TYRP1: variants seen among roughly 807,000 people sequenced by gnomAD.
TYRP1 encodes the protein 5,6-dihydroxyindole-2-carboxylic acid oxidase.
Under a neutral mutation model 42.8 loss-of-function variants are expected in TYRP1, and 49 were observed. The ratio of observed to expected loss-of-function variants is 1.14; its 90% confidence interval spans 0.91 to 1.45. TYRP1 has a LOEUF of 1.45. Ranked by LOEUF, TYRP1 falls within the 40% of genes most tolerant of loss-of-function variation. The pLI is 0.00. For synonymous variants in TYRP1, 279 were observed against 235.4 expected, an observed-to-expected ratio of 1.19 and a Z score of -1.69; for missense variants, 848 against 662.0, an observed-to-expected ratio of 1.28 and a Z score of -3.08.
chr9:12,694,557 T>A (rs894475547), intron 2 of TYRP1, 176 bp downstream of exon 2: 22 of 783,900 alleles, frequency 2.8e-5, no homozygotes, highest in Non-Finnish European at 4.4e-5. Context: ...ATGTAAAGGG[T>A]TGGAGTTGAA....
intron 5 of TYRP1, 135 bp from the exon 6 acceptor site, chr9:12,704,391 A>T: frequency 1.2e-6 from 1 of 801,520 alleles, no homozygotes; most frequent in Non-Finnish European, 2.1e-6. Flanking sequence ...ACAGAGAAGC[A>T]GTGCTGTTAT....
At chr9:12,708,338 A>G (rs1818295240) in intron 7 of TYRP1, among the ~76,000 whole-genome samples, 195 bp downstream of exon 7, 1 of 151,960 alleles carries the variant, frequency 6.6e-6, no homozygotes, top group South Asian at 2.1e-4. Context: ...TATTGATCTT[A>G]TTGTACAGCA....
intron 6 of TYRP1, among the ~76,000 whole-genome samples, chr9:12,705,856 A>T (rs1055778757): frequency 6.6e-6 from 1 of 152,036 alleles, no homozygotes; most frequent in African/African-American, 2.4e-5. Flanking sequence ...TCAATCAGTT[A>T]TGAATTCAGT....
intron 7 of TYRP1, among the ~76,000 whole-genome samples, chr9:12,708,388 A>G (rs924177279): frequency 6.6e-6 from 1 of 151,972 alleles, no homozygotes; most frequent in Admixed American, 6.6e-5. Context: ...TGGGGTGAGT[A>G]TGAAAATCTT....
intron 3 of TYRP1, among the ~76,000 whole-genome samples, chr9:12,697,427 A>G (rs1818095181): frequency 6.6e-6 from 1 of 152,158 alleles, no homozygotes; most frequent in South Asian, 2.1e-4. Context: ...GTGAACCACA[A>G]TGATGGCTTC....
chr9:12,703,047 T>C (rs1282619471), intron 5 of TYRP1, among the ~76,000 whole-genome samples: 1 of 152,008 alleles, frequency 6.6e-6, no homozygotes, highest in Non-Finnish European at 1.5e-5. Flanking sequence ...TTCAGCTAGT[T>C]ACTAACAGAG....
At chr9:12,696,874 A>T (rs1387929348) in intron 3 of TYRP1, among the ~76,000 whole-genome samples, 1 of 152,202 alleles carries the variant, frequency 6.6e-6, no homozygotes, top group Non-Finnish European at 1.5e-5. Context: ...TAAGCTAAAA[A>T]TATCTGAAGA....
chr9:12,696,414 A>G (rs1303493584), intron 3 of TYRP1, among the ~76,000 whole-genome samples: 1 of 152,198 alleles, frequency 6.6e-6, no homozygotes, highest in East Asian at 1.9e-4. Context: ...AAAATATCAC[A>G]TCACTATATA....
intron 2 of TYRP1, 98 bp from the exon 3 acceptor site, chr9:12,695,417 G>A (rs1818059060): frequency 2.8e-6 from 3 of 1,086,452 alleles, no homozygotes; most frequent in African/African-American, 1.6e-5. Flanking sequence ...TGAACAGATG[G>A]ATAAATGGGT....
In TYRP1 at chr9:12,708,047, T is replaced by A; in HGVS notation, c.1312T>A (p.Tyr438Asn). 3.1e-6 allele frequency: 5 copies of A among 1,612,628 alleles called. No homozygotes were observed. Among genetic ancestry groups the A allele is most frequent in the Non-Finnish European group, 4.2e-6 (5 of 1,179,170 alleles). Residue 438 changes from tyrosine to asparagine, a missense_variant, in exon 7 of 8, where the codon TAC becomes AAC. Transcript: ENST00000388918. ...ENAPIGHNRQ[Y>N]NMVPFWPPVT... is the part of the protein sequence containing the mutation. ...TGCCCCTATTGGACATAATAGACAA[T>A]ACAACATGGTGCCATTCTGGCCCCC... is the stretch of plus-strand genomic sequence containing the variant.
chr9:12,700,088 A>G (rs1334946596), intron 4 of TYRP1: 2 of 152,110 alleles, frequency 1.3e-5, no homozygotes, highest in Non-Finnish European at 2.9e-5. Context: ...CATTTTATTT[A>G]TAAGGCAAAG....
In TYRP1 at chr9:12,695,654, C is replaced by T; in HGVS notation, c.525C>T (p.Asn175=). The T allele has an allele frequency of 6.2e-7, 1 of 1,614,176 alleles. No homozygotes were observed. The highest frequency in any genetic ancestry group is 8.5e-7 in the Non-Finnish European group (1 of 1,180,032). ...RSEEILGPDG[N]TPQFENISIY... ...AAGAAATACTGGGGCCAGATGGCAA[C>T]ACGCCACAATTTGAGAACATTTCCA... The change falls in exon 3 of 8, where the codon AAC becomes AAT. Residue 175 remains asparagine (N), a synonymous_variant. Coordinates refer to ENST00000388918, the MANE Select transcript of TYRP1 (RefSeq NM_000550.3).
At chr9:12,708,899 C>G in intron 7 of TYRP1, 78 bp from the exon 8 acceptor site, 1 of 1,303,510 alleles carries the variant, frequency 7.7e-7, no homozygotes, top group Non-Finnish European at 1.1e-6. Context: ...ATAGACATTT[C>G]TAAATTTCAT....
intron 3 of TYRP1, among the ~76,000 whole-genome samples, chr9:12,697,378 C>T (rs547788784): frequency 6.6e-6 from 1 of 152,186 alleles, no homozygotes; most frequent in East Asian, 1.9e-4. Flanking sequence ...AACCACAAAC[C>T]GATTCTTAAT....
chr9:12,702,821 TA>T (rs762463217), intron 5 of TYRP1, among the ~76,000 whole-genome samples: 4 of 151,852 alleles, frequency 2.6e-5, no homozygotes, highest in Admixed American at 1.3e-4. Context: ...AATAGAGTAA[TA>T]AAAAAAATTC....
chr9:12,703,131 G>GATAT (rs374170284), intron 5 of TYRP1, among the ~76,000 whole-genome samples: 2 of 150,816 alleles, frequency 1.3e-5, no homozygotes, highest in African/African-American at 4.9e-5. Flanking sequence ...AATGATGCTT[G>GATAT]ATATATATAT....
intron 7 of TYRP1, 146 bp from the exon 8 acceptor site, chr9:12,708,831 G>A: frequency 2.7e-6 from 2 of 738,148 alleles, no homozygotes; most frequent in Non-Finnish European, 2.3e-6. Context: ...AAAGAAATCA[G>A]GAAGTGGCTT....
intron 6 of TYRP1, chr9:12,707,722 T>C (rs1039306424): frequency 3.0e-6 from 1 of 338,262 alleles, no homozygotes; most frequent in African/African-American, 2.1e-5. Context: ...TTTTAAAAAT[T>C]ATTCAAGATC....
chr9:12,709,388 A>C lies in TYRP1; in HGVS notation c.*206A>C, dbSNP rs1818319523. 6 of 581,270 alleles carry C rather than the reference A, an allele frequency of 1.0e-5. No individual in the cohort carries two copies. In the Admixed American group the frequency reaches 1.2e-4, roughly 11 times the overall value. The allele number at this position is 581,270 out of a possible 1,614,324, so 36.0% of individuals were successfully genotyped here. A position where few individuals can be genotyped will look rare whatever the true frequency, so the allele number is the denominator to read the frequency against. On this transcript the variant is annotated 3_prime_UTR_variant, in exon 8 of 8. Transcript: ENST00000388918. Reference sequence around the variant, plus strand: ...TGGGTTTTAATTTTCAGTTCTATTTAAAATGGTGAATGACACTAAACTCCA... The same window carrying C: ...TGGGTTTTAATTTTCAGTTCTATTTCAAATGGTGAATGACACTAAACTCCA...
Sources: gnomAD v4.1 joint callset for allele counts (sites outside exome capture counted in the v4.1 genomes callset) on GRCh38, gnomAD v4.1.1 for gene constraint, MANE v1.5 for transcripts, NCBI Gene and HGNC (gene_info 2026-07-23, HGNC 2026-07-21) for gene names.